Variants in SHISA9 observed in about 807,000 individuals in gnomAD.
SHISA9 encodes the protein shisa family member 9.
In SHISA9, 13 loss-of-function variants were observed where a neutral mutation model predicts 38.0. The ratio of observed to expected loss-of-function variants is 0.34; its 90% CI spans 0.22 to 0.54. The LOEUF is 0.54. Ranked by LOEUF, SHISA9 falls within the 20% of genes least tolerant of loss-of-function variation. The pLI, the probability that SHISA9 is intolerant of heterozygous loss-of-function variation, is 0.91. For missense variants in SHISA9, 538 were observed against 575.8 expected (o/e 0.93, Z 0.67); for synonymous variants, 275 against 242.0 (o/e 1.14, Z -1.27).
the SHISA9 span, among the ~76,000 whole-genome samples, chr16:13,378,717 C>T: frequency 1.3e-5 from 2 of 152,222 alleles, no homozygotes; most frequent in African/African-American, 2.4e-5. Context: ...TCTATAAGTG[C>T]AGTGTCTAGC....
intron 4 of SHISA9, among the ~76,000 whole-genome samples, chr16:13,233,611 A>G (rs1204572013): frequency 6.6e-6 from 1 of 152,254 alleles, no homozygotes; most frequent in African/African-American, 2.4e-5. Context: ...TGGATAATAT[A>G]TAAATGAATG....
intron 2 of SHISA9, among the ~76,000 whole-genome samples, chr16:13,126,743 G>A (rs1321894427): frequency 8.7e-5 from 13 of 148,612 alleles, no homozygotes; most frequent in African/African-American, 3.2e-4. Flanking sequence ...GAGAGTGACT[G>A]AGGGAAGAAG....
the SHISA9 span, among the ~76,000 whole-genome samples, chr16:13,560,829 T>C: frequency 3.3e-5 from 5 of 151,644 alleles, no homozygotes; most frequent in Non-Finnish European, 7.4e-5. Context: ...AACAAAAACA[T>C]TGTTTCTGTG....
the SHISA9 span, among the ~76,000 whole-genome samples, chr16:13,400,413 C>G: frequency 6.6e-6 from 1 of 152,126 alleles, no homozygotes; most frequent in South Asian, 2.1e-4. Context: ...AGCAAGTAAA[C>G]TCTTTGCATC....
the SHISA9 span, among the ~76,000 whole-genome samples, chr16:13,520,863 T>C: frequency 6.6e-6 from 1 of 152,180 alleles, no homozygotes; most frequent in Non-Finnish European, 1.5e-5. Context: ...TTTACTGACA[T>C]ATAATAATTG....
chr16:13,263,211 T>C, the SHISA9 span, among the ~76,000 whole-genome samples: 1 of 152,334 alleles, frequency 6.6e-6, no homozygotes, highest in African/African-American at 2.4e-5. Context: ...GACTTTTAAC[T>C]TGATGAGTCC....
chr16:12,975,168 C>T (rs16960922), intron 2 of SHISA9, among the ~76,000 whole-genome samples: 1,671 of 152,280 alleles, frequency 0.011, 33 homozygotes, highest in African/African-American at 0.038. Context: ...TCCACTAAAA[C>T]TGTACCCAGT....
At chr16:13,056,588 T>C (rs1389903819) in intron 2 of SHISA9, among the ~76,000 whole-genome samples, 1 of 152,224 alleles carries the variant, frequency 6.6e-6, no homozygotes, top group Non-Finnish European at 1.5e-5. Context: ...ATAGCATGAC[T>C]CTGGGCCAGA....
At chr16:12,974,605 C>G (rs2072131993) in intron 2 of SHISA9, among the ~76,000 whole-genome samples, 1 of 151,308 alleles carries the variant, frequency 6.6e-6, no homozygotes, top group African/African-American at 2.4e-5. Context: ...CCTGCCTCAG[C>G]CTCCTGAGTA....
the SHISA9 span, among the ~76,000 whole-genome samples, chr16:13,517,237 G>C: frequency 6.6e-6 from 1 of 152,304 alleles, no homozygotes; most frequent in Middle Eastern, 3.4e-3. Context: ...ACCATCGGAA[G>C]CTAAGAGACA....
the SHISA9 span, among the ~76,000 whole-genome samples, chr16:13,410,942 TTAAATC>T: frequency 6.6e-6 from 1 of 152,206 alleles, no homozygotes; most frequent in South Asian, 2.1e-4. Flanking sequence ...ATTAATATCA[TTAAATC>T]TAAAACCAGA....
intron 4 of SHISA9, among the ~76,000 whole-genome samples, chr16:13,224,779 TAGG>T (rs1465096839): frequency 3.3e-5 from 5 of 152,210 alleles, no homozygotes; most frequent in Non-Finnish European, 7.4e-5. Flanking sequence ...CTTTGGGTAT[TAGG>T]AGGGTTTTTC....
intron 2 of SHISA9, among the ~76,000 whole-genome samples, chr16:12,985,495 G>C (rs546454498): frequency 6.6e-6 from 1 of 152,166 alleles, no homozygotes. Flanking sequence ...CTGGCACGCT[G>C]TGGGCACTCT....
chr16:13,543,516 G>A, the SHISA9 span, among the ~76,000 whole-genome samples: 2 of 152,182 alleles, frequency 1.3e-5, no homozygotes, highest in Non-Finnish European at 2.9e-5. Context: ...CAGACGGCCA[G>A]CATAAAACTG....
the SHISA9 span, among the ~76,000 whole-genome samples, chr16:13,305,512 T>C: frequency 6.6e-6 from 1 of 152,172 alleles, no homozygotes; most frequent in African/African-American, 2.4e-5. Context: ...TCTTCCCCTG[T>C]CTCTCTCACT....
chr16:13,246,704 C>A, the SHISA9 span, among the ~76,000 whole-genome samples: 1 of 152,118 alleles, frequency 6.6e-6, no homozygotes, highest in African/African-American at 2.4e-5. Flanking sequence ...ATTTCCACCA[C>A]CAACTGGACG....
chr16:13,433,404 A>G, the SHISA9 span, among the ~76,000 whole-genome samples: 1 of 152,224 alleles, frequency 6.6e-6, no homozygotes, highest in Admixed American at 6.5e-5. Context: ...ACTTAGAAAA[A>G]TGTAGTTAGT....
At chr16:13,391,326 G>T in the SHISA9 span, among the ~76,000 whole-genome samples, 1 of 152,310 alleles carries the variant, frequency 6.6e-6, no homozygotes, top group African/African-American at 2.4e-5. Flanking sequence ...GTTTCCATCT[G>T]AGGTCTTGCC....
the SHISA9 span, among the ~76,000 whole-genome samples, chr16:13,321,178 A>G: frequency 6.6e-6 from 1 of 152,224 alleles, no homozygotes; most frequent in Non-Finnish European, 1.5e-5. Context: ...CACGATTCCC[A>G]TATTGTTGCC....
Sources: allele counts gnomAD v4.1 joint callset (sites outside exome capture counted in the v4.1 genomes callset), GRCh38; gene constraint gnomAD v4.1.1; transcripts MANE v1.5; gene names NCBI Gene and HGNC (gene_info 2026-07-23, HGNC 2026-07-21).